The following CYP11A1 variants were observed in gnomAD, a reference collection of about 807,000 sequenced individuals.
CYP11A1 encodes cholesterol side-chain cleavage enzyme, mitochondrial.
Under a neutral mutation model 51.9 loss-of-function variants are expected in CYP11A1, and 25 were observed. The ratio of observed to expected loss-of-function variants is 0.48; its 90% confidence interval spans 0.35 to 0.67. CYP11A1 has a LOEUF of 0.67. Ranked by LOEUF, CYP11A1 falls within the 30% of genes least tolerant of loss-of-function variation. CYP11A1 has a pLI of 0.00. For synonymous variants in CYP11A1, 245 were observed against 262.1 expected (o/e 0.93, Z 0.63); for missense variants, 578 against 680.9 (o/e 0.85, Z 1.68).
At chr15:74,352,937 A>T (rs532528683) in intron 1 of CYP11A1, among the ~76,000 whole-genome samples, 1 of 152,246 alleles carries the variant, frequency 6.6e-6, no homozygotes, top group Non-Finnish European at 1.5e-5. Flanking sequence ...TATCTGGGTC[A>T]TTTCCAAGTA....
chr15:74,354,670 A>C (rs2060670594), intron 1 of CYP11A1: 1 of 156,392 alleles, frequency 6.4e-6, no homozygotes, highest in South Asian at 2.0e-4. Context: ...GGAACATCCC[A>C]CCAATTTTAA....
In CYP11A1 at chr15:74,367,524, C is replaced by T; in HGVS notation, c.62G>A (p.Ser21Asn). The T allele has an allele frequency of 1.2e-6, 2 of 1,614,172 alleles. No homozygotes were observed. Among genetic ancestry groups the T allele is most frequent in the Non-Finnish European group, 8.5e-7 (1 of 1,180,002 alleles). Reference sequence around the variant, plus strand: ...ACGCCCCAGCCCCTCCCTGGGGGCACTCAGAAAGGTCTGGCAGCCTTTGAC... The same window carrying T: ...ACGCCCCAGCCCCTCCCTGGGGGCATTCAGAAAGGTCTGGCAGCCTTTGAC... ...VLVKGCQTFL[S>N]APREGLGRLR... Residue 21 changes from serine to asparagine, a missense_variant, in exon 1 of 9, where the codon AGT becomes AAT. Coordinates refer to ENST00000268053, the MANE Select transcript of CYP11A1 (RefSeq NM_000781.3).
intron 1 of CYP11A1, among the ~76,000 whole-genome samples, chr15:74,358,259 C>T (rs2060690641): frequency 6.6e-6 from 1 of 152,240 alleles, no homozygotes; most frequent in Non-Finnish European, 1.5e-5. Flanking sequence ...CTATCCCTCA[C>T]AGCCAGTTTT....
chr15:74,348,317 T>C, intron 1 of CYP11A1: 1 of 482,520 alleles, frequency 2.1e-6, no homozygotes, highest in Non-Finnish European at 3.8e-6. Context: ...AGCTTTATGA[T>C]CACTGTTGCT....
chr15:74,348,164 G>T (rs777330595), intron 1 of CYP11A1, 109 bp from the exon 2 acceptor site: 1 of 1,290,700 alleles, frequency 7.7e-7, no homozygotes, highest in Non-Finnish European at 1.1e-6. Flanking sequence ...TGGGACCTGA[G>T]TCGAGGCCCT....
intron 1 of CYP11A1, 106 bp from the exon 2 acceptor site, chr15:74,348,161 T>C: frequency 7.6e-7 from 1 of 1,317,308 alleles, no homozygotes; most frequent in Non-Finnish European, 1.1e-6. Flanking sequence ...CTGTGGGACC[T>C]GAGTCGAGGC....
chr15:74,360,612 G>A (rs2060704026), intron 1 of CYP11A1, among the ~76,000 whole-genome samples: 1 of 150,400 alleles, frequency 6.6e-6, no homozygotes, highest in South Asian at 2.2e-4. Context: ...GTTAAAATTC[G>A]CCATTATAGG....
chr15:74,341,967 G>A (rs935973951), intron 5 of CYP11A1, among the ~76,000 whole-genome samples: 5 of 152,142 alleles, frequency 3.3e-5, no homozygotes, highest in Admixed American at 3.3e-4. Context: ...CCAGCCTCCG[G>A]AACTGTGAGA....
At chr15:74,366,276 G>GTTTTTT in intron 1 of CYP11A1, 1 of 734,784 alleles carries the variant, frequency 1.4e-6, no homozygotes, top group African/African-American at 2.3e-5. Context: ...TCCCTCCCCC[G>GTTTTTT]ATTTTTTTTT....
chr15:74,348,337 C>G, intron 1 of CYP11A1: 1 of 436,322 alleles, frequency 2.3e-6, no homozygotes, highest in Non-Finnish European at 4.2e-6. Context: ...TGCTGTCCCA[C>G]AGCACATCCC....
chr15:74,338,518 T>C, intron 8 of CYP11A1, 53 bp downstream of exon 8: 1 of 1,579,496 alleles, frequency 6.3e-7, no homozygotes, highest in Non-Finnish European at 8.7e-7. Context: ...ATTGGTGCCT[T>C]CATTAGGGCC....
chr15:74,358,398 A>G (rs2060691617), intron 1 of CYP11A1, among the ~76,000 whole-genome samples: 1 of 152,112 alleles, frequency 6.6e-6, no homozygotes. Context: ...GGCCCATTCT[A>G]TTCTGTCGTC....
rs926200629 is a variant in CYP11A1 at position 74,343,950 on chromosome 15, T to A, written c.668A>T (p.Glu223Val). 10 of 1,613,934 alleles carry A rather than the reference T, an allele frequency of 6.2e-6. No homozygotes were observed. Among genetic ancestry groups the A allele is most frequent in the Admixed American group, 3.3e-5 (2 of 59,998 alleles). Residue 223 changes from glutamate to valine, a missense_variant, in exon 4 of 9, where the codon GAG (glutamate) becomes GTG (valine). By Grantham distance (121) the Glu-to-Val change is moderately radical (BLOSUM62 -2). Transcript: ENST00000268053. ...VIFGERQGML[E>V]EVVNPEAQRF... The stretch of plus-strand genomic sequence containing the variant: ...CTGGGCCTCGGGGTTCACTACTTCC[T>A]CCAGCATCCCCTGGCGCTCCCCAAA...
chr15:74,345,438 A>C lies in CYP11A1; in HGVS notation c.426-195T>G. 1.6e-6 allele frequency: 1 copy of C among 628,484 alleles called. No individual in the cohort carries two copies. The highest frequency in any genetic ancestry group is 1.9e-5 in the South Asian group (1 of 52,028). 38.9% of individuals were successfully genotyped at this position (628,484 alleles called of 1,614,324 possible). A position where few individuals can be genotyped will look rare whatever the true frequency, so the allele number is the denominator to read the frequency against. ...CTCCCTGCTCTGCCTGGCTGGGAGA[A>C]GAGAAAGGAAAAAAGAGAGTGAAGG... On this transcript the variant is annotated intron_variant, in intron 2 of 8. Transcript: ENST00000268053. The surrounding 1 kb of genome is among the most constrained non-coding windows in gnomAD (Gnocchi z 4.3).
intron 5 of CYP11A1, among the ~76,000 whole-genome samples, chr15:74,342,410 AAGAAG>A (rs2060611223): frequency 6.6e-6 from 1 of 152,174 alleles, no homozygotes; most frequent in Non-Finnish European, 1.5e-5. Context: ...TATCCAAAGA[AAGAAG>A]TTTCTAGGGT....
Position 74,337,888 on chromosome 15 carries a change from G to C in CYP11A1, c.*84C>G, listed in dbSNP as rs2060585928. The C allele has an allele frequency of 1.9e-6, 3 of 1,579,556 alleles. 1 individual carries two copies. In the East Asian group the frequency reaches 6.7e-5, roughly 35 times the overall value. ...GGCTGGGCAGAAAGGAGCAGGACTT[G>C]GGACAGACGACTGAAGATGCAGAGA... On this transcript the variant is annotated 3_prime_UTR_variant, in exon 9 of 9. Transcript: ENST00000268053.
In CYP11A1 at chr15:74,337,933, G is replaced by C; in HGVS notation, c.*39C>G. Reference sequence around the variant, plus strand: ...CAGAGACCCCATGGGCCCCACCCCTGGGCCTTCCTCCCATGTGGCTGCAGG... The same window carrying C: ...CAGAGACCCCATGGGCCCCACCCCTCGGCCTTCCTCCCATGTGGCTGCAGG... On this transcript the variant is annotated 3_prime_UTR_variant, in exon 9 of 9. Coordinates refer to ENST00000268053, the MANE Select transcript of CYP11A1 (RefSeq NM_000781.3). 4 of 1,612,664 alleles carry C rather than the reference G, an allele frequency of 2.5e-6. No individual in the cohort carries two copies. Among genetic ancestry groups the C allele is most frequent in the Non-Finnish European group, 3.4e-6 (4 of 1,179,840 alleles).
chr15:74,342,876 G>T, intron 5 of CYP11A1, 101 bp downstream of exon 5: 1 of 1,217,674 alleles, frequency 8.2e-7, no homozygotes, highest in Non-Finnish European at 1.2e-6. Context: ...ACATGAGTAG[G>T]AACGCCTTGA....
At chr15:74,347,302 G>C (rs1332076746) in intron 2 of CYP11A1, among the ~76,000 whole-genome samples, 2 of 152,140 alleles carry the variant, frequency 1.3e-5, no homozygotes, top group Admixed American at 1.3e-4. Context: ...CCAGCTACTT[G>C]GGAGGCTGAG....
Sources: gnomAD v4.1 joint callset for allele counts (sites outside exome capture counted in the v4.1 genomes callset) on GRCh38, gnomAD v4.1.1 for gene constraint, Gnocchi (gnomAD v3.1) non-coding constraint, MANE v1.5 for transcripts, NCBI Gene and HGNC (gene_info 2026-07-23, HGNC 2026-07-21) for gene names.